The following OPCML variants were observed in gnomAD, a reference collection of about 807,000 sequenced individuals.
OPCML encodes the protein opioid binding protein/cell adhesion molecule like, also known as opioid-binding protein/cell adhesion molecule.
A neutral mutation model predicts 37.8 loss-of-function variants in OPCML; 13 were observed. The ratio of observed to expected loss-of-function variants is 0.34; its 90% CI spans 0.22 to 0.55. OPCML has a LOEUF of 0.55. Ranked by LOEUF, OPCML falls within the 20% of genes least tolerant of loss-of-function variation. OPCML has a pLI of 0.91. For missense variants in OPCML, 341 were observed against 435.6 expected, an observed-to-expected ratio of 0.78 and a Z score of 1.93; for synonymous variants, 176 against 168.8, an observed-to-expected ratio of 1.04 and a Z score of -0.33.
chr11:132,942,803 C>A, intron 2 of OPCML, 123 bp downstream of exon 2: 1 of 1,307,024 alleles, frequency 7.7e-7, no homozygotes, highest in South Asian at 1.3e-5. Context: ...GCGGGCGCCC[C>A]TCGGGCCTGC....
chr11:132,937,368 G>C (rs191488590), intron 2 of OPCML, among the ~76,000 whole-genome samples: 2 of 152,158 alleles, frequency 1.3e-5, no homozygotes, highest in African/African-American at 4.8e-5. Context: ...ATTACCCAAA[G>C]GGCTTAGATA....
intron 1 of OPCML, among the ~76,000 whole-genome samples, chr11:133,364,409 T>C (rs924600335): frequency 6.6e-6 from 1 of 152,240 alleles, no homozygotes; most frequent in Non-Finnish European, 1.5e-5. Context: ...CTGATCTCTC[T>C]GACTTCAAAT....
At chr11:133,008,446 T>C in intron 1 of OPCML, 1 of 984,416 alleles carries the variant, frequency 1.0e-6, no homozygotes, top group Non-Finnish European at 1.2e-6. Flanking sequence ...CTGATTGTGG[T>C]AGATGCCATG....
chr11:133,442,131 C>A (rs1946377334), intron 1 of OPCML, among the ~76,000 whole-genome samples: 1 of 152,164 alleles, frequency 6.6e-6, no homozygotes, highest in Admixed American at 6.5e-5. Context: ...CCTAGAGAAC[C>A]AAAATAACTT....
chr11:132,456,552 C>T (rs2096083378), intron 4 of OPCML, among the ~76,000 whole-genome samples: 1 of 152,140 alleles, frequency 6.6e-6, no homozygotes, highest in South Asian at 2.1e-4. Flanking sequence ...AGACTTCTTG[C>T]CTTCCACATT....
intron 1 of OPCML, among the ~76,000 whole-genome samples, chr11:133,112,235 T>C (rs1367955674): frequency 7.6e-6 from 1 of 132,100 alleles, no homozygotes; most frequent in Non-Finnish European, 1.6e-5. Context: ...TCAAAATTTT[T>C]TCTAAACAAG....
intron 3 of OPCML, among the ~76,000 whole-genome samples, chr11:132,636,273 A>G (rs1289731931): frequency 6.6e-6 from 1 of 152,244 alleles, no homozygotes; most frequent in Non-Finnish European, 1.5e-5. Context: ...GTTATGTATT[A>G]GTAAAGTCAC....
At chr11:132,979,379 T>C (rs1337402666) in intron 1 of OPCML, among the ~76,000 whole-genome samples, 1 of 152,130 alleles carries the variant, frequency 6.6e-6, no homozygotes, top group Non-Finnish European at 1.5e-5. Context: ...CTCCCACAAG[T>C]CCATTCTAGC....
At chr11:133,488,560 A>G (rs1270960631) in intron 1 of OPCML, among the ~76,000 whole-genome samples, 1 of 152,194 alleles carries the variant, frequency 6.6e-6, no homozygotes, top group South Asian at 2.1e-4. Context: ...GGTGAAAGAT[A>G]CCTACAAAAT....
In OPCML at chr11:132,705,094, T is replaced by C. The variant is rs1159586639; in HGVS notation, c.147-47775A>G. Among the ~76,000 whole-genome samples the C allele has an allele frequency of 2.6e-5, 4 of 152,196 alleles. No individual in the cohort carries two copies. In the East Asian group the frequency reaches 5.8e-4, roughly 22 times the overall value. On this transcript the variant is annotated intron_variant, in intron 2 of 7. Transcript: ENST00000524381. The stretch of plus-strand genomic sequence containing the variant: ...TATTTATTTTACTTGGTGCAGGTAG[T>C]ACTTTGATTAAAAGGGGTGATATAG...
At chr11:132,832,905 TA>T (rs1239221284) in intron 2 of OPCML, among the ~76,000 whole-genome samples, 6 of 151,792 alleles carry the variant, frequency 4.0e-5, no homozygotes, top group African/African-American at 1.5e-4. Context: ...AAAATTACAG[TA>T]AAAAATGTGA....
chr11:132,708,321 T>TC (rs1944119277), intron 2 of OPCML, among the ~76,000 whole-genome samples: 1 of 152,192 alleles, frequency 6.6e-6, no homozygotes, highest in Non-Finnish European at 1.5e-5. Flanking sequence ...TTTCTTTTTT[T>TC]CCCAACATAC....
At chr11:132,551,966 T>C (rs1428460354) in intron 3 of OPCML, among the ~76,000 whole-genome samples, 1 of 152,178 alleles carries the variant, frequency 6.6e-6, no homozygotes, top group African/African-American at 2.4e-5. Context: ...AATATCTTTG[T>C]CTGTGCTCCC....
chr11:133,128,725 G>A (rs1183005230), intron 1 of OPCML, among the ~76,000 whole-genome samples: 1 of 152,176 alleles, frequency 6.6e-6, no homozygotes. Context: ...AGGCCTGTCA[G>A]TGTTGCTCCT....
chr11:133,281,233 A>T (rs923857951), intron 1 of OPCML, among the ~76,000 whole-genome samples: 2 of 152,162 alleles, frequency 1.3e-5, no homozygotes, highest in South Asian at 4.1e-4. Context: ...TTGAAATATG[A>T]TCCCCAATGT....
At position 132,614,595 on chromosome 11, in the gene OPCML, C is replaced by T. The variant is rs573274170; in HGVS notation, c.379+42492G>A. 3.9e-4 allele frequency among the ~76,000 whole-genome samples: 60 copies of T among 152,178 alleles called. 1 individual carries two copies. Among genetic ancestry groups the T allele is most frequent in the Non-Finnish European group, 3.7e-4 (25 of 68,022 alleles). ...CTGCTTATGTAGGACAAGGTCTACC[C>T]GAAATGTAGAATCTTGAAAACATAG... On this transcript the variant is annotated intron_variant, in intron 3 of 7. Transcript: ENST00000524381.
chr11:133,030,623 A>T (rs1482902043), intron 1 of OPCML, among the ~76,000 whole-genome samples: 3 of 152,232 alleles, frequency 2.0e-5, no homozygotes, highest in Admixed American at 2.0e-4. Context: ...ATAAGACAGC[A>T]TATAAAATGC....
intron 1 of OPCML, among the ~76,000 whole-genome samples, chr11:133,198,757 G>A (rs534427903): frequency 4.7e-4 from 72 of 152,366 alleles, no homozygotes; most frequent in Admixed American, 1.2e-3. Flanking sequence ...AGCTGTGTCA[G>A]GTAGCAGACA....
intron 2 of OPCML, among the ~76,000 whole-genome samples, chr11:132,869,371 G>A (rs905368592): frequency 6.6e-6 from 1 of 152,280 alleles, no homozygotes; most frequent in East Asian, 1.9e-4. Flanking sequence ...GGAAGATGCG[G>A]AGGGCTGGTG....
Sources: gnomAD v4.1 joint callset for allele counts (sites outside exome capture counted in the v4.1 genomes callset) on GRCh38, gnomAD v4.1.1 for gene constraint, MANE v1.5 for transcripts, NCBI Gene and HGNC (gene_info 2026-07-23, HGNC 2026-07-21) for gene names.